Variants in RASGRF2 observed in about 807,000 individuals in gnomAD.
RASGRF2 encodes the protein Ras protein specific guanine nucleotide releasing factor 2.
Under a neutral mutation model 151.0 loss-of-function variants are expected in RASGRF2, and 76 were observed. That is an observed-to-expected ratio of 0.50 (90% CI 0.42 to 0.61). The LOEUF is 0.61. RASGRF2 is among the 20% of genes least tolerant of loss of function. The pLI is 0.00. For synonymous variants in RASGRF2, 504 were observed against 566.5 expected (o/e 0.89, Z 1.57); for missense variants, 1,148 against 1,564.6 (o/e 0.73, Z 4.49).
intron 6 of RASGRF2, 63 bp downstream of exon 6, chr5:81,080,263 G>C: frequency 6.4e-7 from 1 of 1,567,490 alleles, no homozygotes; most frequent in Non-Finnish European, 8.6e-7. Context: ...GAGTAAAATA[G>C]CTCCAACATT....
chr5:81,070,275 T>G (rs26909), intron 3 of RASGRF2: 475 of 463,838 alleles, frequency 1.0e-3, no homozygotes, highest in Non-Finnish European at 1.7e-3. Flanking sequence ...GGTCACACTT[T>G]ACACAGTCAC....
At position 81,075,184 on chromosome 5, in the gene RASGRF2, T is replaced by C. The variant is rs563967717; in HGVS notation, c.887+1732T>C. Among the ~76,000 whole-genome samples, 59 of 152,268 alleles carry C rather than the reference T, an allele frequency of 3.9e-4. No individual in the cohort carries two copies. The East Asian group carries it at 0.01, about 27-fold the overall frequency. Reference sequence around the variant, plus strand: ...TTATAATGGAGGCAGTATAAGTAGTTGGATTCTGGGTGTATTTTTAAGTCA... The same window carrying C: ...TTATAATGGAGGCAGTATAAGTAGTCGGATTCTGGGTGTATTTTTAAGTCA... On this transcript the variant is annotated intron_variant, in intron 5 of 26. Transcript: ENST00000265080.
chr5:81,036,730 T>C (rs1346933408), intron 1 of RASGRF2, among the ~76,000 whole-genome samples: 1 of 152,184 alleles, frequency 6.6e-6, no homozygotes, highest in African/African-American at 2.4e-5. Flanking sequence ...CAAATTGAGC[T>C]GATTTCTGTC....
At chr5:81,064,777 GC>G (rs1751546070) in intron 2 of RASGRF2, among the ~76,000 whole-genome samples, 1 of 152,162 alleles carries the variant, frequency 6.6e-6, no homozygotes, top group Admixed American at 6.6e-5. Flanking sequence ...AGCCCACACA[GC>G]TGGAAACTGT....
chr5:81,075,161 A>G (rs1269270823), intron 5 of RASGRF2, among the ~76,000 whole-genome samples: 1 of 152,252 alleles, frequency 6.6e-6, no homozygotes, highest in Non-Finnish European at 1.5e-5. Flanking sequence ...AGAGATGATT[A>G]TAATGGAGGC....
At chr5:81,095,344 A>G (rs952282861) in intron 12 of RASGRF2, among the ~76,000 whole-genome samples, 1 of 152,210 alleles carries the variant, frequency 6.6e-6, no homozygotes, top group Non-Finnish European at 1.5e-5. Flanking sequence ...TTTCTGAAGC[A>G]GAATAATGGT....
At chr5:81,085,493 G>C (rs1752202397) in intron 7 of RASGRF2, among the ~76,000 whole-genome samples, 1 of 152,006 alleles carries the variant, frequency 6.6e-6, no homozygotes, top group African/African-American at 2.4e-5. Flanking sequence ...CTCTGAACCA[G>C]TTTTCAAAAA....
chr5:81,061,499 G>T, intron 2 of RASGRF2, among the ~76,000 whole-genome samples: 1 of 147,166 alleles, frequency 6.8e-6, no homozygotes, highest in African/African-American at 2.5e-5. Context: ...GTAATTCTTT[G>T]ATTAAGAAGG....
intron 19 of RASGRF2, 51 bp downstream of exon 19, chr5:81,201,493 T>C (rs374063928): frequency 5.5e-5 from 85 of 1,554,290 alleles, no homozygotes; most frequent in Non-Finnish European, 7.4e-5. Flanking sequence ...ATTCCTGCTA[T>C]GTTCATAGAA....
intron 9 of RASGRF2, chr5:81,087,723 A>C (rs776788451): frequency 1.3e-4 from 37 of 280,634 alleles, no homozygotes; most frequent in Non-Finnish European, 2.3e-4. Flanking sequence ...CAGGCAATTG[A>C]TTTGAGACAA....
At chr5:81,035,977 AAAAC>A (rs1750476978) in intron 1 of RASGRF2, among the ~76,000 whole-genome samples, 1 of 152,208 alleles carries the variant, frequency 6.6e-6, no homozygotes, top group African/African-American at 2.4e-5. Context: ...ATAACACAGA[AAAAC>A]AACAACAATA....
intron 5 of RASGRF2, among the ~76,000 whole-genome samples, chr5:81,078,445 C>G (rs1456828723): frequency 6.6e-6 from 1 of 152,206 alleles, no homozygotes; most frequent in African/African-American, 2.4e-5. Flanking sequence ...CTATTCACTA[C>G]CTCCATGAGA....
chr5:81,172,144 A>C (rs1378383869), intron 17 of RASGRF2, among the ~76,000 whole-genome samples: 1 of 152,178 alleles, frequency 6.6e-6, no homozygotes, highest in Non-Finnish European at 1.5e-5. Context: ...CAGTTTCCTC[A>C]TCTATAAAAA....
intron 17 of RASGRF2, among the ~76,000 whole-genome samples, chr5:81,173,477 T>C (rs897049456): frequency 2.0e-5 from 3 of 152,202 alleles, no homozygotes; most frequent in Admixed American, 1.3e-4. Flanking sequence ...CAGACTAAAG[T>C]TGAGCTTCCA....
chr5:81,124,617 G>C (rs1471436050), intron 16 of RASGRF2, among the ~76,000 whole-genome samples: 1 of 152,004 alleles, frequency 6.6e-6, no homozygotes, highest in Admixed American at 6.6e-5. Flanking sequence ...TATGTATTTT[G>C]ATATATAGTT....
chr5:81,217,578 T>A, intron 25 of RASGRF2, 105 bp downstream of exon 25: 5 of 740,380 alleles, frequency 6.8e-6, no homozygotes, highest in Non-Finnish European at 9.4e-6. Flanking sequence ...TCTCTTCTTT[T>A]TTTTTTTTTT....
chr5:81,120,373 T>C (rs776765641), intron 15 of RASGRF2, among the ~76,000 whole-genome samples: 1 of 152,010 alleles, frequency 6.6e-6, no homozygotes, highest in African/African-American at 2.4e-5. Context: ...GCCTAGGAAT[T>C]CGAGACCAGC....
Position 81,049,154 on chromosome 5 carries a change from AGT to A in RASGRF2, c.395+6172_395+6173del, listed in dbSNP as rs552654735. 4.9e-3 allele frequency among the ~76,000 whole-genome samples: 532 copies of A among 107,818 alleles called. 2 individuals carry two copies. Among genetic ancestry groups the A allele is most frequent in the South Asian group, 0.028 (84 of 2,972 alleles). The allele number at this position is 107,818 out of a possible 152,430, so 70.7% of individuals were successfully genotyped here. ...ATTACACCAGTAATACATAAAAGCA[AGT>A]TCCCTAAAAAAAAAAAAAAAAAAAA... is the stretch of plus-strand genomic sequence containing the variant. On this transcript the variant is annotated intron_variant, in intron 2 of 26. Coordinates refer to ENST00000265080, the MANE Select transcript of RASGRF2 (RefSeq NM_006909.3).
chr5:81,113,460 G>A lies in RASGRF2; in HGVS notation c.2088-78G>A, dbSNP rs141325594. On this transcript the variant is annotated intron_variant, in intron 14 of 26. Coordinates refer to ENST00000265080, the MANE Select transcript of RASGRF2 (RefSeq NM_006909.3). ...TGAGATTGTGACCTATAAATGAAGG[G>A]AACATGTTCTTGAATGACATCTGGG... 6.4e-4 allele frequency: 920 copies of A among 1,444,720 alleles called. 4 individuals are homozygous for A. The African/African-American group carries it at 0.012, about 18-fold the overall frequency. The allele number at this position is 1,444,720 out of a possible 1,614,324, so 89.5% of individuals were successfully genotyped here.
Sources: gnomAD v4.1 joint callset for allele counts (sites outside exome capture counted in the v4.1 genomes callset) on GRCh38, gnomAD v4.1.1 for gene constraint, MANE v1.5 for transcripts, NCBI Gene and HGNC (gene_info 2026-07-23, HGNC 2026-07-21) for gene names.